The following SDC2 variants were observed in gnomAD, a reference collection of about 807,000 sequenced individuals.
SDC2 encodes the protein syndecan-2.
A neutral mutation model predicts 22.2 loss-of-function variants in SDC2; 13 were observed. That is an observed-to-expected ratio of 0.59 (90% CI 0.38 to 0.93). SDC2 has a LOEUF of 0.93. Ranked by LOEUF, SDC2 falls within the 40% of genes least tolerant of loss-of-function variation. The pLI is 0.00. For missense variants in SDC2, 235 were observed against 246.8 expected, an observed-to-expected ratio of 0.95 and a Z score of 0.32; for synonymous variants, 94 against 92.8, an observed-to-expected ratio of 1.01 and a Z score of -0.07.
intron 1 of SDC2, among the ~76,000 whole-genome samples, chr8:96,548,080 A>C (rs1813965074): frequency 6.6e-6 from 1 of 152,004 alleles, no homozygotes; most frequent in South Asian, 2.1e-4. Flanking sequence ...GATTTTCTTA[A>C]CCCCTTGATG....
intron 4 of SDC2, among the ~76,000 whole-genome samples, chr8:96,608,728 A>G (rs1456098640): frequency 6.6e-6 from 1 of 152,234 alleles, no homozygotes; most frequent in Non-Finnish European, 1.5e-5. Context: ...TAACATCTGA[A>G]TTGATCCAGA....
At chr8:96,502,205 G>C (rs571878571) in intron 1 of SDC2, among the ~76,000 whole-genome samples, 2 of 152,292 alleles carry the variant, frequency 1.3e-5, no homozygotes, top group East Asian at 3.9e-4. Context: ...GCAGGCAAGA[G>C]AGCTTGTACA....
intron 1 of SDC2, among the ~76,000 whole-genome samples, chr8:96,511,510 C>A (rs1002563338): frequency 3.3e-5 from 5 of 152,094 alleles, no homozygotes; most frequent in Non-Finnish European, 7.4e-5. Flanking sequence ...TTGTAGAAGC[C>A]AGCCCTTAGA....
intron 1 of SDC2, among the ~76,000 whole-genome samples, chr8:96,577,388 G>T (rs566840924): frequency 7.9e-5 from 12 of 152,258 alleles, no homozygotes; most frequent in African/African-American, 2.9e-4. Flanking sequence ...AGTTCTCCAG[G>T]TATTTGTCTT....
intron 1 of SDC2, among the ~76,000 whole-genome samples, chr8:96,590,919 T>A (rs1004940326): frequency 6.6e-6 from 1 of 152,050 alleles, no homozygotes; most frequent in Non-Finnish European, 1.5e-5. Context: ...AGTAACTGAG[T>A]GGCTGAGGGT....
chr8:96,516,369 A>C (rs978136391), intron 1 of SDC2, among the ~76,000 whole-genome samples: 2 of 152,258 alleles, frequency 1.3e-5, no homozygotes, highest in Non-Finnish European at 2.9e-5. Flanking sequence ...ACTGTCAAAC[A>C]ATATTTTATG....
intron 1 of SDC2, among the ~76,000 whole-genome samples, chr8:96,515,771 G>A (rs1464970371): frequency 1.3e-5 from 2 of 152,196 alleles, no homozygotes; most frequent in African/African-American, 2.4e-5. Flanking sequence ...AGAAGTTGAT[G>A]AATCTTCTCT....
At chr8:96,609,331 A>C (rs1815137376) in intron 4 of SDC2, 54 bp from the exon 5 acceptor site, 1 of 1,410,136 alleles carries the variant, frequency 7.1e-7, no homozygotes, top group African/African-American at 1.4e-5. Context: ...AATAAAGCTA[A>C]TGTCTGCAAC....
intron 1 of SDC2, among the ~76,000 whole-genome samples, chr8:96,535,629 A>G (rs898418358): frequency 2.6e-5 from 4 of 152,228 alleles, no homozygotes; most frequent in African/African-American, 9.6e-5. Flanking sequence ...AGAGATATAT[A>G]TCGACTTCGA....
Position 96,504,308 on chromosome 8 carries a change from A to G in SDC2, c.60+9977A>G, listed in dbSNP as rs558328946. On this transcript the variant is annotated intron_variant, in intron 1 of 4. Transcript: ENST00000302190. ...TGAGTGACAGGTGTGTGACAACCCA[A>G]TAAAGGATGGGCCATGACATATATA... 3.3e-5 allele frequency among the ~76,000 whole-genome samples: 5 copies of G among 152,330 alleles called. No individual in the cohort carries two copies. The South Asian group carries it at 1.0e-3, about 32-fold the overall frequency.
At position 96,550,860 on chromosome 8, in the gene SDC2, G is replaced by T. The variant is rs116957707; in HGVS notation, c.61-42620G>T. 2.8e-3 allele frequency among the ~76,000 whole-genome samples: 419 copies of T among 152,282 alleles called. 12 individuals carry two copies. The East Asian group carries it at 0.069, about 25-fold the overall frequency. On this transcript the variant is annotated intron_variant, in intron 1 of 4. Transcript: ENST00000302190. ...TGGAGGTCTCACGCATGGGGTGACA[G>T]GAGTCAAAGTGCTTCCTGCTGATGG...
intron 1 of SDC2, among the ~76,000 whole-genome samples, chr8:96,506,290 C>T (rs1483121563): frequency 1.3e-5 from 2 of 152,164 alleles, no homozygotes; most frequent in African/African-American, 4.8e-5. Flanking sequence ...GTTGATATTT[C>T]TATCAGGGGA....
In SDC2 at chr8:96,609,529, C is replaced by T; in HGVS notation, c.587C>T (p.Thr196Ile). Reference protein sequence around the residue: ...PSSAAYQKAPTKEFYA With the variant: ...PSSAAYQKAPIKEFYA ...AGTGCTGCTTATCAGAAGGCACCTA[C>T]TAAGGAGTTTTATGCGTAAAACTCC... Residue 196 changes from threonine (T) to isoleucine (I), a missense_variant, in exon 5 of 5, where the codon ACT becomes ATT. By Grantham distance (89) the Thr-to-Ile change is moderately conservative. Coordinates refer to ENST00000302190, the MANE Select transcript of SDC2 (RefSeq NM_002998.4). 6.3e-7 allele frequency: 1 copy of T among 1,598,080 alleles called. No homozygotes were observed. Among genetic ancestry groups the T allele is most frequent in the Non-Finnish European group, 8.5e-7 (1 of 1,172,266 alleles).
chr8:96,506,722 C>G (rs1813244676), intron 1 of SDC2, among the ~76,000 whole-genome samples: 1 of 151,964 alleles, frequency 6.6e-6, no homozygotes, highest in South Asian at 2.1e-4. Context: ...GATCAAATAG[C>G]CTTAGCTGGC....
At chr8:96,534,559 T>A (rs1813721252) in intron 1 of SDC2, among the ~76,000 whole-genome samples, 1 of 152,214 alleles carries the variant, frequency 6.6e-6, no homozygotes, top group East Asian at 1.9e-4. Context: ...CTCAGCCTCC[T>A]GAGTAGCCAA....
intron 1 of SDC2, among the ~76,000 whole-genome samples, chr8:96,521,589 T>G (rs1167689895): frequency 6.6e-6 from 1 of 152,222 alleles, no homozygotes; most frequent in Non-Finnish European, 1.5e-5. Flanking sequence ...CCTAAGGCTG[T>G]CCAGGTAACA....
At chr8:96,538,411 A>G (rs934405682) in intron 1 of SDC2, among the ~76,000 whole-genome samples, 4 of 152,364 alleles carry the variant, frequency 2.6e-5, no homozygotes, top group Non-Finnish European at 2.9e-5. Context: ...AAGATAAAAA[A>G]AAGTTATACT....
Position 96,494,207 on chromosome 8 carries a change from GGGCAGGAGGCTT to G in SDC2, c.-64_-53del. On this transcript the variant is annotated 5_prime_UTR_variant, in exon 1 of 5. Coordinates refer to ENST00000302190, the MANE Select transcript of SDC2 (RefSeq NM_002998.4). The stretch of plus-strand genomic sequence containing the variant: ...GTGTGCGCGGGCTGCGCCGAGCGCT[GGGCAGGAGGCTT>G]CGTTTTGCCCTGGTTGCAAGCAGCG... 6.7e-7 allele frequency: 1 copy of G among 1,483,990 alleles called. No homozygotes were observed. The highest frequency in any genetic ancestry group is 9.1e-7 in the Non-Finnish European group (1 of 1,099,014). The allele number at this position is 1,483,990 out of a possible 1,614,324, so 91.9% of individuals were successfully genotyped here.
At position 96,610,052 on chromosome 8, in the gene SDC2, A is replaced by C. The variant is rs935005749; in HGVS notation, c.*504A>C. 5 of 152,624 alleles carry C rather than the reference A, an allele frequency of 3.3e-5. No individual in the cohort carries two copies. The highest frequency in any genetic ancestry group is 1.2e-4 in the African/African-American group (5 of 41,440). 9.5% of individuals were successfully genotyped at this position (152,624 alleles called of 1,614,324 possible). Reference sequence around the variant, plus strand: ...TGGAAAATTCAGATAATGGTAATTTAGTGTATATGTGATTTTCAAATATGT... The same window carrying C: ...TGGAAAATTCAGATAATGGTAATTTCGTGTATATGTGATTTTCAAATATGT... On this transcript the variant is annotated 3_prime_UTR_variant, in exon 5 of 5. Transcript: ENST00000302190.
Sources: gnomAD v4.1 joint callset for allele counts (sites outside exome capture counted in the v4.1 genomes callset) on GRCh38, gnomAD v4.1.1 for gene constraint, MANE v1.5 for transcripts, NCBI Gene and HGNC (gene_info 2026-07-23, HGNC 2026-07-21) for gene names.